Variants in KLC1 observed in about 807,000 individuals in gnomAD.
KLC1 encodes kinesin 2 60/70kDa.
A neutral mutation model predicts 84.2 loss-of-function variants in KLC1; 30 were observed. That is an observed-to-expected ratio of 0.36 (90% CI 0.27 to 0.48). The LOEUF (loss-of-function observed/expected upper bound fraction) is 0.48, where lower values mean the gene tolerates loss of function less well. Among genes scored for constraint, KLC1 ranks in the 20% least tolerant of loss-of-function variants. KLC1 has a pLI of 0.99. For synonymous variants in KLC1, 289 were observed against 293.3 expected, an observed-to-expected ratio of 0.99 and a Z score of 0.15; for missense variants, 499 against 805.4, an observed-to-expected ratio of 0.62 and a Z score of 4.60.
At chr14:103,691,988 T>C (rs2151853597) in intron 14 of KLC1, among the ~76,000 whole-genome samples, 1 of 152,304 alleles carries the variant, frequency 6.6e-6, no homozygotes, top group Non-Finnish European at 1.5e-5. Flanking sequence ...CGGGATGGTC[T>C]TGAACTCCTG....
chr14:103,666,750 C>T (rs541099347), intron 5 of KLC1, among the ~76,000 whole-genome samples: 88 of 150,742 alleles, frequency 5.8e-4, no homozygotes, highest in African/African-American at 2.0e-3. Flanking sequence ...AGGCGTGAGC[C>T]ACCGTGCCTG....
chr14:103,669,747 C>T, intron 6 of KLC1, 149 bp downstream of exon 6: 1 of 619,670 alleles, frequency 1.6e-6, no homozygotes, highest in Non-Finnish European at 2.9e-6. Context: ...TTCACTTACT[C>T]AGTGCTAGTG....
chr14:103,681,214 C>T (rs1057277412), intron 13 of KLC1, among the ~76,000 whole-genome samples: 2 of 152,190 alleles, frequency 1.3e-5, no homozygotes, highest in South Asian at 2.1e-4. Flanking sequence ...GCGTTGGCCA[C>T]GGGTGATCTA....
At chr14:103,678,273 A>T (rs1233591904) in intron 12 of KLC1, among the ~76,000 whole-genome samples, 1 of 151,920 alleles carries the variant, frequency 6.6e-6, no homozygotes, top group Non-Finnish European at 1.5e-5. Context: ...AAAAATTAAA[A>T]TAAAATAAAA....
At chr14:103,659,170 G>T (rs534200651) in intron 3 of KLC1, among the ~76,000 whole-genome samples, 1 of 147,924 alleles carries the variant, frequency 6.8e-6, no homozygotes, top group Non-Finnish European at 1.5e-5. Flanking sequence ...TAGAGATGGG[G>T]TTTCACCATG....
At chr14:103,647,517 C>A (rs2078039551) in intron 1 of KLC1, among the ~76,000 whole-genome samples, 1 of 152,056 alleles carries the variant, frequency 6.6e-6, no homozygotes, top group South Asian at 2.1e-4. Flanking sequence ...GGGAGAGCCA[C>A]TGTGCCTTAC....
intron 3 of KLC1, among the ~76,000 whole-genome samples, chr14:103,661,320 G>C (rs1214618474): frequency 3.3e-5 from 5 of 152,178 alleles, no homozygotes; most frequent in Non-Finnish European, 7.3e-5. Context: ...CACATCTGTT[G>C]AGTAGCCTTT....
In KLC1 at chr14:103,700,620, G is replaced by A. The variant is rs77785458; in HGVS notation, c.1849-35G>A. The A allele has an allele frequency of 5.1e-3, 7,995 of 1,577,958 alleles. 337 individuals carry two copies. In the African/African-American group the frequency reaches 0.096, roughly 19 times the overall value. Reference sequence around the variant, plus strand: ...GAAGACGCCTGAGGGCCGCCTGCACGCCCTGAGTGAAACTCGTCTGTGCTT... The same window carrying A: ...GAAGACGCCTGAGGGCCGCCTGCACACCCTGAGTGAAACTCGTCTGTGCTT... On this transcript the variant is annotated intron_variant, in intron 15 of 16. Coordinates refer to ENST00000334553, the MANE Select transcript of KLC1 (RefSeq NM_001394837.1).
At position 103,673,324 on chromosome 14, in the gene KLC1, A is replaced by C; in HGVS notation, c.1162-8A>C. On this transcript the variant is annotated splice_polypyrimidine_tract_variant and splice_region_variant and intron_variant, in intron 8 of 16. Transcript: ENST00000334553. The stretch of plus-strand genomic sequence containing the variant: ...GATATGAAATATTTTATTTTATTTT[A>C]TTTTAAGGCATCCTGCTATTTGAAA... 1.3e-6 allele frequency: 2 copies of C among 1,570,496 alleles called. No individual in the cohort carries two copies. The highest frequency in any genetic ancestry group is 1.7e-6 in the Non-Finnish European group (2 of 1,161,394).
At chr14:103,655,933 AAC>A (rs1368892613) in intron 2 of KLC1, among the ~76,000 whole-genome samples, 1 of 152,216 alleles carries the variant, frequency 6.6e-6, no homozygotes, top group African/African-American at 2.4e-5. Context: ...AAAAAACAAA[AAC>A]AGTGGCTTAA....
At chr14:103,648,956 G>A (rs2078169459) in intron 1 of KLC1, among the ~76,000 whole-genome samples, 1 of 152,156 alleles carries the variant, frequency 6.6e-6, no homozygotes, top group South Asian at 2.1e-4. Context: ...GGGCAACATG[G>A]CGAAACTGTG....
chr14:103,648,724 C>T (rs1306425227), intron 1 of KLC1, among the ~76,000 whole-genome samples: 1 of 152,138 alleles, frequency 6.6e-6, no homozygotes, highest in African/African-American at 2.4e-5. Flanking sequence ...TCACTTGAGC[C>T]CAGGAGGTGG....
chr14:103,684,160 G>C (rs1380697385), intron 13 of KLC1: 1 of 152,252 alleles, frequency 6.6e-6, no homozygotes. Context: ...CTGGGTGACA[G>C]AGCCAGAATC....
chr14:103,698,954 T>G, intron 15 of KLC1: 1 of 1,600,994 alleles, frequency 6.2e-7, no homozygotes, highest in Non-Finnish European at 8.5e-7. Context: ...CAGCCAGCAG[T>G]CTCACCAGGA....
Position 103,662,880 on chromosome 14 carries a change from C to A in KLC1, c.750C>A (p.Asp250Glu). Reference protein sequence around the residue: ...LEDLEKTSGHDHPDVATMLNI... With the variant: ...LEDLEKTSGHEHPDVATMLNI... ...ACCTGGAGAAGACTTCAGGACACGA[C>A]CACCCGGACGTGGCCACCATGCTCA... Residue 250 changes from aspartate to glutamate, a missense_variant, in exon 5 of 17, where the codon GAC becomes GAA. By Grantham distance (45) the Asp-to-Glu change is conservative. Transcript: ENST00000334553. 1 of 1,613,710 alleles carries A rather than the reference C, an allele frequency of 6.2e-7. No homozygotes were observed. Among genetic ancestry groups the A allele is most frequent in the African/African-American group, 1.3e-5 (1 of 74,984 alleles).
At chr14:103,700,845 G>A in intron 16 of KLC1, 118 bp downstream of exon 16, 4 of 844,944 alleles carry the variant, frequency 4.7e-6, no homozygotes, top group Non-Finnish European at 7.1e-6. Flanking sequence ...CTAGCTGCCA[G>A]GCTGGGCCTC....
chr14:103,663,981 A>G (rs2079526434), intron 5 of KLC1, among the ~76,000 whole-genome samples: 1 of 152,164 alleles, frequency 6.6e-6, no homozygotes, highest in South Asian at 2.1e-4. Flanking sequence ...CACAAATAAG[A>G]AAGTAAGCCC....
At chr14:103,697,106 T>A (rs969895532) in intron 15 of KLC1, 14 of 985,430 alleles carry the variant, frequency 1.4e-5, no homozygotes, top group Middle Eastern at 5.2e-4. Context: ...GCATTTGGAA[T>A]TGCTTATGTT....
rs575568032 is a variant in KLC1 at position 103,651,006 on chromosome 14, A to G, written c.-1-3558A>G. ...ACTTGTCAGTCGTTTACAGTTTTAT[A>G]CCTTATTTATTTATTTATTTAGTGA... On this transcript the variant is annotated intron_variant, in intron 1 of 16. Transcript: ENST00000334553. 2.0e-5 allele frequency among the ~76,000 whole-genome samples: 3 copies of G among 149,986 alleles called. No homozygotes were observed. The South Asian group carries it at 6.3e-4, about 31-fold the overall frequency.
Sources: allele counts gnomAD v4.1 joint callset (sites outside exome capture counted in the v4.1 genomes callset), GRCh38; gene constraint gnomAD v4.1.1; transcripts MANE v1.5; gene names NCBI Gene and HGNC (gene_info 2026-07-23, HGNC 2026-07-21).